The following DENND3 variants were observed in gnomAD, a reference collection of about 807,000 sequenced individuals.
DENND3 encodes DENN domain containing 3.
A neutral mutation model predicts 135.1 loss-of-function variants in DENND3; 88 were observed. The observed-to-expected ratio is 0.65, with a 90% CI of 0.55 to 0.78. The LOEUF (loss-of-function observed/expected upper bound fraction) is 0.78. Ranked by LOEUF, DENND3 falls within the 30% of genes least tolerant of loss-of-function variation. The pLI is 0.00. For synonymous variants in DENND3, 693 were observed against 712.3 expected, an observed-to-expected ratio of 0.97 and a Z score of 0.43; for missense variants, 1,392 against 1,688.4, an observed-to-expected ratio of 0.82 and a Z score of 3.08.
In DENND3 at chr8:141,180,831, T is replaced by G; in HGVS notation, c.2921T>G (p.Val974Gly). 6.2e-7 allele frequency: 1 copy of G among 1,612,740 alleles called. No homozygotes were observed. Residue 974 changes from valine to glycine, a missense_variant, in exon 17 of 23, where the codon GTG (valine) becomes GGG (glycine). Coordinates refer to ENST00000519811, the MANE Select transcript of DENND3 (RefSeq NM_001352890.3). ...PSAGEAFPQA[V>G]DVLLYTPGHL... ...GCGGGGGAGGCGTTCCCACAAGCGG[T>G]GGACGTGCTGCTCTACACTCCAGGT...
At chr8:141,170,193 G>A (rs774892173) in intron 13 of DENND3, among the ~76,000 whole-genome samples, 6 of 152,200 alleles carry the variant, frequency 3.9e-5, no homozygotes, top group Non-Finnish European at 8.8e-5. Context: ...TGGGCTGCTT[G>A]TCCTTTCCTT....
chr8:141,141,594 AAGGGATGAAGCCACACTGTCGG>A lies in DENND3; in HGVS notation c.623+272_623+293del, dbSNP rs1817469476. ...AACATACGGTAATGGCATGGTAGGAAAGGGATGAAGCCACACTGTCGGAAGTAAGGTTGATGTTCAGGATTTT... is the reference window on the plus strand; with the variant it reads ...AACATACGGTAATGGCATGGTAGGAAAAGTAAGGTTGATGTTCAGGATTTT... On this transcript the variant is annotated intron_variant, in intron 4 of 22. Transcript: ENST00000519811. This position sits in a 1 kb window ranked among gnomAD's most constrained non-coding sequence, Gnocchi z 5.3. 1 of 479,146 alleles carries A rather than the reference AAGGGATGAAGCCACACTGTCGG, an allele frequency of 2.1e-6. No individual in the cohort carries two copies. Among genetic ancestry groups the A allele is most frequent in the South Asian group, 2.5e-5 (1 of 40,310 alleles). 29.7% of individuals were successfully genotyped at this position (479,146 alleles called of 1,614,324 possible).
intron 20 of DENND3, chr8:141,191,803 T>C (rs956230123): frequency 6.5e-6 from 1 of 152,846 alleles, no homozygotes; most frequent in Non-Finnish European, 1.5e-5. Flanking sequence ...TCATCTGTTA[T>C]TTGTTCTGTT....
chr8:141,184,259 T>C (rs1013735031), intron 17 of DENND3, among the ~76,000 whole-genome samples: 6 of 152,208 alleles, frequency 3.9e-5, no homozygotes, highest in African/African-American at 1.4e-4. Context: ...TTATGGTATT[T>C]TTATATGTCA....
In DENND3 at chr8:141,150,260, C is replaced by T. The variant is rs528014091; in HGVS notation, c.736-574C>T. ...CCCTCCCTCAGTGAAGGAACTGAAC[C>T]TTCTCCTCTGGATTTCCTCCGCCAG... On this transcript the variant is annotated intron_variant, in intron 5 of 22. Transcript: ENST00000519811. 41 of 1,237,240 alleles carry T rather than the reference C, an allele frequency of 3.3e-5. No individual in the cohort carries two copies. In the South Asian group the frequency reaches 5.4e-4, roughly 16 times the overall value. 76.6% of individuals were successfully genotyped at this position (1,237,240 alleles called of 1,614,324 possible).
intron 15 of DENND3, 152 bp from the exon 16 acceptor site, chr8:141,177,915 C>A: frequency 1.1e-6 from 1 of 948,538 alleles, no homozygotes; most frequent in Non-Finnish European, 1.5e-6. Context: ...AAATATATGA[C>A]ATAAAATCCA....
chr8:141,160,090 C>A (rs957383537), intron 8 of DENND3, among the ~76,000 whole-genome samples: 21 of 152,106 alleles, frequency 1.4e-4, no homozygotes, highest in Non-Finnish European at 5.9e-5. Context: ...ATGAGCTGGC[C>A]TGGGTGAAGT....
At chr8:141,153,124 C>T (rs186862849) in intron 7 of DENND3, among the ~76,000 whole-genome samples, 58 of 141,584 alleles carry the variant, frequency 4.1e-4, no homozygotes, top group African/African-American at 1.6e-3. Context: ...GACAGAGTCT[C>T]GCTCTGTTGC....
Position 141,155,861 on chromosome 8 carries a change from T to A in DENND3, c.1087T>A (p.Leu363Ile), listed in dbSNP as rs1819368783. The change falls in exon 8 of 23, where the codon TTA becomes ATA. Residue 363 changes from leucine to isoleucine, a missense_variant. Physicochemically the swap from Leu to Ile is conservative, Grantham distance 5 (BLOSUM62 2). Coordinates refer to ENST00000519811, the MANE Select transcript of DENND3 (RefSeq NM_001352890.3). ...FEEVSKEADG[L>I]VLINIDHGSI... ...CCTTGTTTTCTAGGAAGCCGACGGT[T>A]TAGTTCTGATAAATATTGATCATGG... The A allele has an allele frequency of 6.2e-7, 1 of 1,602,262 alleles. No homozygotes were observed. The highest frequency in any genetic ancestry group is 8.5e-7 in the Non-Finnish European group (1 of 1,173,294).
chr8:141,151,088 A>AT (rs1771508506), intron 6 of DENND3, 135 bp downstream of exon 6: 1 of 1,289,990 alleles, frequency 7.8e-7, no homozygotes, highest in South Asian at 2.1e-5. Flanking sequence ...GTTTATTATT[A>AT]TTTTTTAAAG....
chr8:141,169,461 A>G (rs1486590171), intron 13 of DENND3, among the ~76,000 whole-genome samples: 1 of 152,244 alleles, frequency 6.6e-6, no homozygotes, highest in Non-Finnish European at 1.5e-5. Flanking sequence ...GCACAGAACC[A>G]TGGCCTCGGC....
chr8:141,168,303 G>A lies in DENND3; in HGVS notation c.2053G>A (p.Ala685Thr), dbSNP rs763750762. ...GAAGAGGACGGTGGAATCCATGTCT[G>A]CCCCTGAGTGGGAGGGGGCTGAGCA... is the stretch of plus-strand genomic sequence containing the variant. Reference protein sequence around the residue: ...LVKRTVESMSAPEWEGAEQAP... With the variant: ...LVKRTVESMSTPEWEGAEQAP... The change falls in exon 13 of 23, where the codon GCC becomes ACC. Residue 685 changes from alanine (A) to threonine (T), a missense_variant. Physicochemically the swap from Ala to Thr is moderately conservative, Grantham distance 58 (BLOSUM62 0). Coordinates refer to ENST00000519811, the MANE Select transcript of DENND3 (RefSeq NM_001352890.3). This position sits in a 1 kb window ranked among gnomAD's most constrained non-coding sequence, Gnocchi z 6.2. The A allele has an allele frequency of 1.2e-6, 2 of 1,614,050 alleles. No individual in the cohort carries two copies. The highest frequency in any genetic ancestry group is 1.7e-6 in the Non-Finnish European group (2 of 1,180,020).
chr8:141,141,063 C>T lies in DENND3; in HGVS notation c.502-140C>T, dbSNP rs914985369. On this transcript the variant is annotated intron_variant, in intron 3 of 22. Coordinates refer to ENST00000519811, the MANE Select transcript of DENND3 (RefSeq NM_001352890.3). This position sits in a 1 kb window ranked among gnomAD's most constrained non-coding sequence, Gnocchi z 5.3. ...ACCCCGTAGACTTCGACCGGAGGGC[C>T]GGTGCTGGCTTGGACGCGTTGCAGG... 3.7e-5 allele frequency: 48 copies of T among 1,309,850 alleles called. No individual in the cohort carries two copies. The highest frequency in any genetic ancestry group is 1.4e-4 in the African/African-American group (10 of 68,976). 81.1% of individuals were successfully genotyped at this position (1,309,850 alleles called of 1,614,324 possible).
At position 141,129,060 on chromosome 8, in the gene DENND3, A is replaced by G. The variant is rs552529152; in HGVS notation, c.102+251A>G. 2.2e-3 allele frequency among the ~76,000 whole-genome samples: 340 copies of G among 152,268 alleles called. 2 individuals are homozygous for G. Among genetic ancestry groups the G allele is most frequent in the African/African-American group, 7.8e-3 (325 of 41,572 alleles). ...CCGCCCGGGGCCCTTGGTGTGAGAC[A>G]TGTCTTTTGAGAGCTGCGAACTTGG... On this transcript the variant is annotated intron_variant, in intron 1 of 22. Coordinates refer to ENST00000519811, the MANE Select transcript of DENND3 (RefSeq NM_001352890.3).
chr8:141,192,993 G>A, intron 22 of DENND3: 4 of 1,004,866 alleles, frequency 4.0e-6, no homozygotes, highest in African/African-American at 1.7e-5. Context: ...GGGCTCGGGG[G>A]GAGCGTGCAC....
chr8:141,187,386 G>A (rs1483922781), intron 18 of DENND3, among the ~76,000 whole-genome samples: 4 of 151,820 alleles, frequency 2.6e-5, no homozygotes, highest in South Asian at 2.1e-4. Flanking sequence ...CACCACACCC[G>A]GCTAATTTTT....
chr8:141,145,824 T>G (rs1817980011), intron 5 of DENND3, among the ~76,000 whole-genome samples: 1 of 40,386 alleles, frequency 2.5e-5, no homozygotes, highest in African/African-American at 9.7e-5. Context: ...TATATATATA[T>G]ATATATATAT....
rs1820179598 is a variant in DENND3, at chr8:141,161,871, G to A, written c.1352+1084G>A. ...CCTGGAATGCAGTGACGCCATCTGG[G>A]CTCACTGCAACTGCCGCCTCCCAAG... On this transcript the variant is annotated intron_variant, in intron 9 of 22. Transcript: ENST00000519811. Among the ~76,000 whole-genome samples, 4 of 151,142 alleles carry A rather than the reference G, an allele frequency of 2.6e-5. No individual in the cohort carries two copies. The South Asian group carries it at 8.4e-4, about 32-fold the overall frequency.
chr8:141,156,103 G>T, intron 8 of DENND3, 133 bp downstream of exon 8: 2 of 1,282,844 alleles, frequency 1.6e-6, no homozygotes. Context: ...AATTATTTGT[G>T]AATTTTGTTT....
Sources: allele counts gnomAD v4.1 joint callset (sites outside exome capture counted in the v4.1 genomes callset), GRCh38; gene constraint gnomAD v4.1.1; non-coding constraint Gnocchi (gnomAD v3.1); transcripts MANE v1.5; gene names NCBI Gene and HGNC (gene_info 2026-07-23, HGNC 2026-07-21).